The following PLEKHG6 variants were observed in gnomAD, a reference collection of about 807,000 sequenced individuals.
PLEKHG6 encodes pleckstrin homology and RhoGEF domain containing G6.
A neutral mutation model predicts 97.5 loss-of-function variants in PLEKHG6; 91 were observed. The observed-to-expected ratio is 0.93, with a 90% confidence interval of 0.79 to 1.11. The LOEUF (loss-of-function observed/expected upper bound fraction) is 1.11. PLEKHG6 is among the 50% of genes most tolerant of loss of function. PLEKHG6 has a pLI of 0.00. For missense variants in PLEKHG6, 1,044 were observed against 1,031.0 expected (o/e 1.01, Z -0.17); for synonymous variants, 466 against 425.5 (o/e 1.10, Z -1.17).
chr12:6,319,281 C>G, intron 13 of PLEKHG6, 173 bp downstream of exon 13: 1 of 613,518 alleles, frequency 1.6e-6, no homozygotes, highest in Non-Finnish European at 2.8e-6. Flanking sequence ...AACCCCGTCT[C>G]TACTAAAAAT....
rs57346521 is a variant in PLEKHG6 at position 6,321,826 on chromosome 12, T to TA, written c.1524+2734dup. Among the ~76,000 whole-genome samples the TA allele has an allele frequency of 6.4e-4, 62 of 97,378 alleles. 1 individual carries two copies. Among genetic ancestry groups the TA allele is most frequent in the South Asian group, 1.0e-3 (3 of 2,864 alleles). 63.9% of individuals were successfully genotyped at this position (97,378 alleles called of 152,430 possible). ...TGGGCGACAGAGCGAGACTCTGTCT[T>TA]AAAAAAAAAAAAAAAAGAAGAGGGA... is the stretch of plus-strand genomic sequence containing the variant. On this transcript the variant is annotated intron_variant, in intron 13 of 15. Coordinates refer to ENST00000684764, the MANE Select transcript of PLEKHG6 (RefSeq NM_001384598.1).
In PLEKHG6 at chr12:6,317,825, G is replaced by A. The variant is rs774729777; in HGVS notation, c.1018-32G>A. 55 of 1,539,160 alleles carry A rather than the reference G, an allele frequency of 3.6e-5. 1 individual carries two copies. In the South Asian group the frequency reaches 4.0e-4, roughly 11 times the overall value. On this transcript the variant is annotated intron_variant, in intron 9 of 15. Transcript: ENST00000684764. ...TTGGTTGGGAGGGGACGGCTGAGCC[G>A]TCCCTCCTCCCACACCCCCAACCCC...
Position 6,317,660 on chromosome 12 carries a change from C to T in PLEKHG6, c.981C>T (p.Ser327=). Reference sequence around the variant, plus strand: ...TGCTCCATGCTGTGCTCAAGAGGAGCCCCGAGGCACGAGCCCAAGAGGCCC... The same window carrying T: ...TGCTCCATGCTGTGCTCAAGAGGAGTCCCGAGGCACGAGCCCAAGAGGCCC... The part of the protein sequence containing the change: ...PLLLHAVLKR[S]PEARAQEALN... The change falls in exon 9 of 16, where the codon AGC becomes AGT. Residue 327 remains serine, a synonymous_variant. Transcript: ENST00000684764. 1.2e-6 allele frequency: 2 copies of T among 1,613,908 alleles called. No homozygotes were observed. The highest frequency in any genetic ancestry group is 1.3e-5 in the African/African-American group (1 of 75,066).
In PLEKHG6 at chr12:6,327,428, G is replaced by T. The variant is rs1384482715; in HGVS notation, c.1845G>T (p.Arg615=). 1 of 1,613,976 alleles carries T rather than the reference G, an allele frequency of 6.2e-7. No homozygotes were observed. The highest frequency in any genetic ancestry group is 2.2e-5 in the East Asian group (1 of 44,870). ...LSRLRQRALR[R]DPRLTFSTLE... ...GTCTACGCCAAAGAGCCCTTCGGCG[G>T]GACCCTCGCCTCACCTTCTCCACCC... Residue 615 remains arginine, a synonymous_variant, in exon 15 of 16, where the codon CGG becomes CGT. Transcript: ENST00000684764.
chr12:6,328,198 G>A lies in PLEKHG6; in HGVS notation c.*53G>A. ...CTCTCCCAGAGGAGATCTCTCCCCAGTAGTGCTGGTCACCCTCCGGCATCT... is the reference window on the plus strand; with the variant it reads ...CTCTCCCAGAGGAGATCTCTCCCCAATAGTGCTGGTCACCCTCCGGCATCT... On this transcript the variant is annotated 3_prime_UTR_variant, in exon 16 of 16. Coordinates refer to ENST00000684764, the MANE Select transcript of PLEKHG6 (RefSeq NM_001384598.1). The A allele has an allele frequency of 3.2e-6, 5 of 1,574,718 alleles. No individual in the cohort carries two copies. Among genetic ancestry groups the A allele is most frequent in the Non-Finnish European group, 3.5e-6 (4 of 1,144,278 alleles).
At chr12:6,327,126 C>T in intron 14 of PLEKHG6, 128 bp from the exon 15 acceptor site, 1 of 642,960 alleles carries the variant, frequency 1.6e-6, no homozygotes, top group South Asian at 1.9e-5. Context: ...AAAACAATCA[C>T]AGTGCGATGG....
intron 2 of PLEKHG6, 125 bp from the exon 3 acceptor site, chr12:6,313,504 G>A (rs1223885658): frequency 8.5e-7 from 1 of 1,170,916 alleles, no homozygotes; most frequent in Non-Finnish European, 1.2e-6. Flanking sequence ...GCAGGGAGAA[G>A]TGAGCCAGCC....
intron 8 of PLEKHG6, 45 bp downstream of exon 8, chr12:6,317,458 G>C (rs190564482): frequency 5.0e-6 from 8 of 1,609,550 alleles, no homozygotes; most frequent in Non-Finnish European, 6.8e-6. Flanking sequence ...CATCTTAGCC[G>C]GCCGGTCTCC....
rs369840349 is a variant in PLEKHG6 at position 6,327,789 on chromosome 12, G to A, written c.2206G>A (p.Glu736Lys). The change falls in exon 15 of 16, where the codon GAG becomes AAG. Residue 736 changes from glutamate (E) to lysine (K), a missense_variant. Glu to Lys is a moderately conservative substitution (Grantham distance 56). Transcript: ENST00000684764. ...CACATCCCTGCGCCCAATGCGGGCT[G>A]AGGACATGCTCAGAGAGATCCGGGA... The part of the protein sequence containing the change: ...GHTSLRPMRA[E>K]DMLREIREEL... 2.4e-5 allele frequency: 36 copies of A among 1,524,726 alleles called. No individual in the cohort carries two copies. The highest frequency in any genetic ancestry group is 4.5e-5 in the East Asian group (2 of 44,170). The allele number at this position is 1,524,726 out of a possible 1,614,324, so 94.4% of individuals were successfully genotyped here.
rs1473675869 is a variant in PLEKHG6, at chr12:6,326,486, C to T, written c.1583C>T (p.Thr528Ile). The change falls in exon 14 of 16, where the codon ACC becomes ATC. Residue 528 changes from threonine to isoleucine, a missense_variant. Thr to Ile is a moderately conservative substitution (Grantham distance 89, BLOSUM62 -1). Transcript: ENST00000684764. ...GTTCAACAGAAGAGGGAGCTCCTGACCCTCTATCGGGACCAGGACAGGGAG... is the reference window on the plus strand; with the variant it reads ...GTTCAACAGAAGAGGGAGCTCCTGATCCTCTATCGGGACCAGGACAGGGAG... Reference protein sequence around the residue: ...EYVQQKRELLTLYRDQDRESP... With the variant: ...EYVQQKRELLILYRDQDRESP... 15 of 1,611,292 alleles carry T rather than the reference C, an allele frequency of 9.3e-6. No homozygotes were observed. Among genetic ancestry groups the T allele is most frequent in the East Asian group, 2.2e-5 (1 of 44,734 alleles).
At position 6,313,686 on chromosome 12, in the gene PLEKHG6, G is replaced by A. The variant is rs746629523; in HGVS notation, c.196G>A (p.Ala66Thr). Residue 66 changes from alanine to threonine, a missense_variant, in exon 3 of 16, where the codon GCC (alanine) becomes ACC (threonine). Coordinates refer to ENST00000684764, the MANE Select transcript of PLEKHG6 (RefSeq NM_001384598.1). Reference protein sequence around the residue: ...YVPFARGSGQARGLSPMRLRD... With the variant: ...YVPFARGSGQTRGLSPMRLRD... ...CCCCTTTGCCAGGGGTTCTGGCCAG[G>A]CCCGAGGCCTGTCACCCATGAGACT... 3 of 1,613,868 alleles carry A rather than the reference G, an allele frequency of 1.9e-6. No individual in the cohort carries two copies. The highest frequency in any genetic ancestry group is 2.7e-5 in the African/African-American group (2 of 74,916).
At position 6,317,868 on chromosome 12, in the gene PLEKHG6, G is replaced by A. The variant is rs374452757; in HGVS notation, c.1029G>A (p.Val343=). ...QEALNAMIEA[V]ESFLRHINGQ... ...CCAACCCCACCTAGATTGAAGCCGT[G>A]GAGTCATTCCTGCGACACATCAATG... is the stretch of plus-strand genomic sequence containing the variant. Residue 343 remains valine, a synonymous_variant, in exon 10 of 16, where the codon GTG becomes GTA. Transcript: ENST00000684764. 79 of 1,554,060 alleles carry A rather than the reference G, an allele frequency of 5.1e-5. No individual in the cohort carries two copies. The highest frequency in any genetic ancestry group is 6.5e-5 in the Non-Finnish European group (75 of 1,148,174).
rs111256024 is a variant in PLEKHG6, at chr12:6,318,085, T to G, written c.1155+91T>G. ...CTGCAAGGCCAGAACACCCCGTACT[T>G]GGGTGCTACAAGGGTGTCCATCATT... On this transcript the variant is annotated intron_variant, in intron 10 of 15. Transcript: ENST00000684764. 141 of 1,444,034 alleles carry G rather than the reference T, an allele frequency of 9.8e-5. No homozygotes were observed. The African/African-American group carries it at 1.9e-3, about 19-fold the overall frequency. The allele number at this position is 1,444,034 out of a possible 1,614,324, so 89.5% of individuals were successfully genotyped here. A position where few individuals can be genotyped will look rare whatever the true frequency, so the allele number is the denominator to read the frequency against.
chr12:6,326,028 C>T (rs1173014668), intron 13 of PLEKHG6, among the ~76,000 whole-genome samples: 4 of 152,126 alleles, frequency 2.6e-5, no homozygotes, highest in Admixed American at 6.6e-5. Flanking sequence ...TAATGTAGGC[C>T]GGGCACGGTG....
At chr12:6,318,205 C>G in intron 10 of PLEKHG6, 96 bp from the exon 11 acceptor site, 2 of 1,577,516 alleles carry the variant, frequency 1.3e-6, no homozygotes. Context: ...AGGATACAAA[C>G]AGAAAGGTGT....
chr12:6,319,587 TC>T, intron 13 of PLEKHG6: 1 of 1,535,928 alleles, frequency 6.5e-7, no homozygotes, highest in Non-Finnish European at 8.7e-7. Context: ...AGGCAGAGCC[TC>T]CACCATCCAT....
rs1947890677 is a variant in PLEKHG6 at position 6,327,242 on chromosome 12, C to CA, written c.1671-11dup. 2 of 1,538,798 alleles carry CA rather than the reference C, an allele frequency of 1.3e-6. No individual in the cohort carries two copies. Among genetic ancestry groups the CA allele is most frequent in the African/African-American group, 2.7e-5 (2 of 73,030 alleles). ...GACCCCTACGCATCTGACTCTTTGC[C>CA]ATTAACTGTAGGACTCCTGAGTTCT... is the stretch of plus-strand genomic sequence containing the variant. On this transcript the variant is annotated splice_polypyrimidine_tract_variant and intron_variant, in intron 14 of 15. Coordinates refer to ENST00000684764, the MANE Select transcript of PLEKHG6 (RefSeq NM_001384598.1).
In PLEKHG6 at chr12:6,316,207, CT is replaced by C; in HGVS notation, c.607-47del. 1 of 1,509,572 alleles carries C rather than the reference CT, an allele frequency of 6.6e-7. No homozygotes were observed. 93.5% of individuals were successfully genotyped at this position (1,509,572 alleles called of 1,614,324 possible). ...CACCTTTCCTCAGCCAGTGCCACCC[CT>C]GGGGACCTTCCAAAAGTGTGCTGCT... On this transcript the variant is annotated intron_variant, in intron 6 of 15. Coordinates refer to ENST00000684764, the MANE Select transcript of PLEKHG6 (RefSeq NM_001384598.1). The surrounding 1 kb of genome is among the most constrained non-coding windows in gnomAD (Gnocchi z 4.1).
At position 6,327,646 on chromosome 12, in the gene PLEKHG6, C is replaced by G. The variant is rs1237901872; in HGVS notation, c.2063C>G (p.Ala688Gly). The G allele has an allele frequency of 6.4e-7, 1 of 1,560,686 alleles. No homozygotes were observed. The highest frequency in any genetic ancestry group is 1.2e-5 in the South Asian group (1 of 86,218). The stretch of plus-strand genomic sequence containing the variant: ...GTGGTGGTGGAAACACTCCACAGGG[C>G]CCGGCTTCGGGGCCAGCTTCCCTCC... ...GNVVVETLHRARLRGQLPSSP... is the reference protein window; with the variant it reads ...GNVVVETLHRGRLRGQLPSSP... The change falls in exon 15 of 16, where the codon GCC (alanine) becomes GGC (glycine). Residue 688 changes from alanine to glycine, a missense_variant. Physicochemically the swap from Ala to Gly is moderately conservative, Grantham distance 60. Coordinates refer to ENST00000684764, the MANE Select transcript of PLEKHG6 (RefSeq NM_001384598.1).
Sources: gnomAD v4.1 joint callset for allele counts (sites outside exome capture counted in the v4.1 genomes callset) on GRCh38, gnomAD v4.1.1 for gene constraint, Gnocchi (gnomAD v3.1) non-coding constraint, MANE v1.5 for transcripts, NCBI Gene and HGNC (gene_info 2026-07-23, HGNC 2026-07-21) for gene names.